TNRC6B: variants seen among roughly 807,000 people sequenced by gnomAD.
The protein encoded by TNRC6B is trinucleotide repeat containing adaptor 6B, also known as trinucleotide repeat-containing gene 6B protein.
Under a neutral mutation model 203.6 loss-of-function variants are expected in TNRC6B, and 52 were observed. The observed-to-expected ratio is 0.26, with a 90% CI of 0.20 to 0.32. The LOEUF (loss-of-function observed/expected upper bound fraction) is 0.32. Ranked by LOEUF, TNRC6B falls within the 10% of genes least tolerant of loss-of-function variation. The probability of loss-of-function intolerance (pLI) is 1.00; values close to 1 mark genes in which losing one functional copy is unlikely to be tolerated. For missense variants in TNRC6B, 1,923 were observed against 2,286.2 expected (o/e 0.84, Z 3.24); for synonymous variants, 838 against 845.7 (o/e 0.99, Z 0.16).
Position 40,266,478 on chromosome 22 carries a change from G to T in TNRC6B, c.2248G>T (p.Gly750Trp), listed in dbSNP as rs761233800. The T allele has an allele frequency of 6.2e-7, 1 of 1,613,856 alleles. No homozygotes were observed. The highest frequency in any genetic ancestry group is 1.7e-5 in the Admixed American group (1 of 59,996). Reference protein sequence around the residue: ...QGWSSGKNGWGEEVDQTKNSN... With the variant: ...QGWSSGKNGWWEEVDQTKNSN... Reference sequence around the variant, plus strand: ...ATGGTCTTCTGGAAAGAATGGTTGGGGGGAGGAAGTCGATCAGACAAAAAA... The same window carrying T: ...ATGGTCTTCTGGAAAGAATGGTTGGTGGGAGGAAGTCGATCAGACAAAAAA... Residue 750 changes from glycine to tryptophan, a missense_variant, in exon 5 of 23, where the codon GGG becomes TGG. This residue lies in a region of TNRC6B where 599 missense variants were observed against 656.5 expected (regional missense o/e 0.91). Coordinates refer to ENST00000454349, the MANE Select transcript of TNRC6B (RefSeq NM_001162501.2).
chr22:40,169,730 G>C (rs1478850998), intron 4 of TNRC6B, among the ~76,000 whole-genome samples: 1 of 152,084 alleles, frequency 6.6e-6, no homozygotes, highest in Non-Finnish European at 1.5e-5. Flanking sequence ...ATCTCTACCA[G>C]AGTGGTTTTA....
intron 3 of TNRC6B, among the ~76,000 whole-genome samples, chr22:40,130,608 C>T (rs748922053): frequency 5.3e-5 from 8 of 150,502 alleles, no homozygotes; most frequent in Middle Eastern, 3.4e-3. Context: ...GGTGAAACTC[C>T]GTCTCTACTA....
At chr22:40,239,129 G>GGA (rs1217619059) in intron 1 of TNRC6B, among the ~76,000 whole-genome samples, 1 of 152,144 alleles carries the variant, frequency 6.6e-6, no homozygotes, top group Non-Finnish European at 1.5e-5. Flanking sequence ...CTTGAACCTG[G>GGA]GAGGCGGAGG....
intron 3 of TNRC6B, among the ~76,000 whole-genome samples, chr22:40,142,121 G>A (rs937436859): frequency 7.2e-5 from 11 of 151,810 alleles, no homozygotes; most frequent in Admixed American, 7.2e-4. Context: ...GTGCAGTGGT[G>A]TGATTATAGT....
chr22:40,182,674 G>T (rs767874167), intron 1 of TNRC6B, among the ~76,000 whole-genome samples: 27 of 152,164 alleles, frequency 1.8e-4, no homozygotes, highest in Non-Finnish European at 3.7e-4. Flanking sequence ...TTGCCATCTG[G>T]TGACTAACTA....
At chr22:40,177,801 G>C, upstream of TNRC6B, 1 of 1,266,418 alleles carries the variant, frequency 7.9e-7, no homozygotes, top group Non-Finnish European at 1.0e-6. Flanking sequence ...AAAGTGAGTG[G>C]AAAAGGGCTG....
At chr22:40,300,878 T>C in intron 13 of TNRC6B, 32 bp from the exon 14 acceptor site, 1 of 1,599,320 alleles carries the variant, frequency 6.3e-7, no homozygotes, top group Non-Finnish European at 8.5e-7. Context: ...TCAGGAAACT[T>C]TGGTTTTCTG....
intron 1 of TNRC6B, among the ~76,000 whole-genome samples, chr22:40,207,250 C>G (rs1377512048): frequency 6.6e-6 from 1 of 151,656 alleles, no homozygotes; most frequent in Non-Finnish European, 1.5e-5. Context: ...GATGATTAAA[C>G]AGGATAACAT....
At chr22:40,073,547 C>T (rs1205976258) in intron 1 of TNRC6B, among the ~76,000 whole-genome samples, 1 of 151,878 alleles carries the variant, frequency 6.6e-6, no homozygotes, top group Non-Finnish European at 1.5e-5. Context: ...TAATTGTTAA[C>T]TGAAGGAAAA....
chr22:40,214,814 A>C (rs1662757436), intron 1 of TNRC6B, among the ~76,000 whole-genome samples: 1 of 152,172 alleles, frequency 6.6e-6, no homozygotes, highest in Non-Finnish European at 1.5e-5. Flanking sequence ...TTGGCCTCCC[A>C]AAGTGCTGAG....
At chr22:40,133,744 G>A (rs755031270) in intron 3 of TNRC6B, among the ~76,000 whole-genome samples, 15 of 151,948 alleles carry the variant, frequency 9.9e-5, no homozygotes, top group Admixed American at 3.3e-4. Flanking sequence ...CGAGGCGAGC[G>A]GATCACCTGA....
chr22:40,164,390 A>T (rs1232536088), intron 4 of TNRC6B, among the ~76,000 whole-genome samples: 2 of 18,658 alleles, frequency 1.1e-4, no homozygotes, highest in African/African-American at 3.2e-3. Flanking sequence ...TCTGCCTTTA[A>T]AAAAAAAAAA....
chr22:40,332,377 G>A lies in TNRC6B; in HGVS notation c.*9136G>A, dbSNP rs1314008623. 6.6e-6 allele frequency: 1 copy of A among 152,586 alleles called. No individual in the cohort carries two copies. The highest frequency in any genetic ancestry group is 1.5e-5 in the Non-Finnish European group (1 of 68,032). The allele number at this position is 152,586 out of a possible 1,614,324, so 9.5% of individuals were successfully genotyped here. A position where few individuals can be genotyped will look rare whatever the true frequency, so the allele number is the denominator to read the frequency against. ...AATGAGCTGCGAGGTGTTTTGACAG[G>A]GGAGGTCTGCATGCAGCCTCTTCTT... On this transcript the variant is annotated 3_prime_UTR_variant, in exon 23 of 23. Transcript: ENST00000454349.
At chr22:40,077,566 A>G (rs1179631670) in intron 1 of TNRC6B, among the ~76,000 whole-genome samples, 4 of 151,982 alleles carry the variant, frequency 2.6e-5, no homozygotes, top group African/African-American at 7.3e-5. Flanking sequence ...AGTATTTTGC[A>G]TTTGCTGGGC....
At chr22:40,289,020 G>T (rs2070831166) in intron 12 of TNRC6B, among the ~76,000 whole-genome samples, 1 of 150,738 alleles carries the variant, frequency 6.6e-6, no homozygotes, top group Admixed American at 6.6e-5. Flanking sequence ...CACCATGTTG[G>T]CCAAGCTGGT....
chr22:40,091,454 A>T (rs1238819330), intron 1 of TNRC6B, among the ~76,000 whole-genome samples: 1 of 149,654 alleles, frequency 6.7e-6, no homozygotes, highest in African/African-American at 2.6e-5. Flanking sequence ...GTCTTCAACA[A>T]ATAAATTGCA....
intron 12 of TNRC6B, among the ~76,000 whole-genome samples, chr22:40,294,112 G>T (rs1261792369): frequency 1.3e-5 from 2 of 150,852 alleles, no homozygotes; most frequent in Non-Finnish European, 2.9e-5. Context: ...AATTAGCCAG[G>T]CATGGTGGTG....
chr22:40,211,317 C>T (rs111620266), intron 1 of TNRC6B, among the ~76,000 whole-genome samples: 2 of 152,150 alleles, frequency 1.3e-5, no homozygotes, highest in African/African-American at 2.4e-5. Context: ...TGGACTCAAG[C>T]GATTCTCCAC....
At chr22:40,228,479 A>G (rs2069822251) in intron 1 of TNRC6B, among the ~76,000 whole-genome samples, 1 of 151,638 alleles carries the variant, frequency 6.6e-6, no homozygotes, top group African/African-American at 2.4e-5. Context: ...AGATAAATGT[A>G]TGTATGTTAG....
Sources: allele counts gnomAD v4.1 joint callset (sites outside exome capture counted in the v4.1 genomes callset), GRCh38; gene constraint gnomAD v4.1.1; regional missense constraint gnomAD v4.1.1; transcripts MANE v1.5; gene names NCBI Gene and HGNC (gene_info 2026-07-23, HGNC 2026-07-21).